GRIA3: variants seen among roughly 807,000 people sequenced by gnomAD.
GRIA3 encodes glutamate ionotropic receptor AMPA type subunit 3.
In GRIA3, 3 loss-of-function variants were observed where a neutral mutation model predicts 63.0. The ratio of observed to expected loss-of-function variants is 0.05; its 90% CI spans 0.02 to 0.12. The LOEUF is 0.12. Ranked by LOEUF, GRIA3 falls within the 10% of genes least tolerant of loss-of-function variation. The pLI, the probability that GRIA3 is intolerant of heterozygous loss-of-function variation, is 1.00. For synonymous variants in GRIA3, 274 were observed against 257.9 expected (o/e 1.06, Z -0.60); for missense variants, 347 against 700.9 (o/e 0.50, Z 5.70).
At chrX:123,293,715 A>G (rs1432399106) in intron 3 of GRIA3, among the ~76,000 whole-genome samples, 1 of 110,451 alleles carries the variant, frequency 9.1e-6, no homozygotes, top group Non-Finnish European at 1.9e-5. Flanking sequence ...CAGGAAGAAG[A>G]CACTGGATAT....
chrX:123,290,979 A>C (rs1470335210), intron 3 of GRIA3, among the ~76,000 whole-genome samples: 1 of 111,660 alleles, frequency 9.0e-6, no homozygotes, highest in African/African-American at 3.3e-5. Flanking sequence ...TCACCCTTTG[A>C]GGCTAACACA....
chrX:123,449,173 G>C (rs1010563464), intron 12 of GRIA3, among the ~76,000 whole-genome samples: 3 of 112,035 alleles, frequency 2.7e-5, no homozygotes, highest in Admixed American at 9.5e-5. Flanking sequence ...TTGGTGACTA[G>C]GTGGCTTCTC....
intron 2 of GRIA3, among the ~76,000 whole-genome samples, chrX:123,205,417 A>G (rs986983406): frequency 8.9e-6 from 1 of 112,505 alleles, no homozygotes; most frequent in Admixed American, 9.4e-5. Flanking sequence ...TATGCAGAAG[A>G]TACAGATTAC....
At chrX:123,403,587 T>C (rs1311134131) in intron 9 of GRIA3, 68 bp downstream of exon 9, 2 of 699,017 alleles carry the variant, frequency 2.9e-6, no homozygotes, top group African/African-American at 2.1e-5. Context: ...AAAGTATTTT[T>C]CCACCAGTAG....
intron 4 of GRIA3, among the ~76,000 whole-genome samples, chrX:123,340,719 GACTA>G (rs949118006): frequency 8.9e-6 from 1 of 112,123 alleles, no homozygotes; most frequent in Admixed American, 9.5e-5. Flanking sequence ...ATCATTTGGA[GACTA>G]ACTCTCAGTC....
chrX:123,248,655 G>A (rs748307468), intron 2 of GRIA3, among the ~76,000 whole-genome samples: 16 of 111,104 alleles, frequency 1.4e-4, no homozygotes, highest in Non-Finnish European at 2.5e-4. Flanking sequence ...GCATGGTGGC[G>A]CATGCCTGTA....
intron 3 of GRIA3, among the ~76,000 whole-genome samples, chrX:123,300,704 T>C (rs981440363): frequency 9.1e-6 from 1 of 110,008 alleles, no homozygotes; most frequent in Non-Finnish European, 1.9e-5. Context: ...TCTTGTGTTC[T>C]GCTAGCTTTG....
chrX:123,465,199 T>C (rs1380221771), intron 13 of GRIA3, 87 bp downstream of exon 13: 1 of 964,122 alleles, frequency 1.0e-6, no homozygotes, highest in African/African-American at 1.9e-5. Flanking sequence ...TTCTTGTGGA[T>C]TTTGAGGTAA....
intron 5 of GRIA3, among the ~76,000 whole-genome samples, chrX:123,384,350 C>T (rs949529168): frequency 2.7e-5 from 3 of 112,509 alleles, no homozygotes; most frequent in South Asian, 3.6e-4. Flanking sequence ...TTCGGCCAGG[C>T]GTGGTGGCTA....
intron 3 of GRIA3, among the ~76,000 whole-genome samples, chrX:123,300,608 A>C (rs2044716368): frequency 9.7e-6 from 1 of 103,591 alleles, no homozygotes; most frequent in African/African-American, 3.6e-5. Context: ...GGATTCATTG[A>C]TTTTTTAATG....
intron 10 of GRIA3, among the ~76,000 whole-genome samples, chrX:123,414,964 A>G (rs1476936218): frequency 8.9e-6 from 1 of 111,741 alleles, no homozygotes; most frequent in Non-Finnish European, 1.9e-5. Flanking sequence ...GTCAAATGGT[A>G]TTTCTAGTTC....
chrX:123,474,108 G>A (rs192102974), intron 13 of GRIA3, among the ~76,000 whole-genome samples: 1 of 111,469 alleles, frequency 9.0e-6, no homozygotes, highest in Admixed American at 9.5e-5. Context: ...CATATTGACA[G>A]TATAGATTCC....
intron 2 of GRIA3, among the ~76,000 whole-genome samples, chrX:123,251,724 G>A (rs1307676652): frequency 1.8e-5 from 2 of 111,555 alleles, no homozygotes; most frequent in East Asian, 2.8e-4. Context: ...GTGAGCCACC[G>A]CGACGGGATT....
At chrX:123,335,463 A>T (rs2044968629) in intron 4 of GRIA3, among the ~76,000 whole-genome samples, 1 of 111,659 alleles carries the variant, frequency 9.0e-6, no homozygotes, top group Non-Finnish European at 1.9e-5. Flanking sequence ...AGCCTATCAT[A>T]AGTTCCTCAT....
intron 3 of GRIA3, among the ~76,000 whole-genome samples, chrX:123,284,798 G>A (rs1229515881): frequency 9.0e-6 from 1 of 111,707 alleles, no homozygotes; most frequent in South Asian, 3.8e-4. Flanking sequence ...AAGTGACAGG[G>A]AGAATGGAAC....
At chrX:123,233,935 A>G (rs1304338553) in intron 2 of GRIA3, among the ~76,000 whole-genome samples, 1 of 111,514 alleles carries the variant, frequency 9.0e-6, no homozygotes, top group Non-Finnish European at 1.9e-5. Context: ...CCTTTTTTTC[A>G]TGTTTTCCTT....
chrX:123,470,584 G>T (rs1221720241), intron 13 of GRIA3, among the ~76,000 whole-genome samples: 1 of 111,702 alleles, frequency 9.0e-6, no homozygotes, highest in East Asian at 2.8e-4. Flanking sequence ...ATAGTAAAAA[G>T]TTACACTCTC....
At chrX:123,265,501 G>T (rs1479728657) in intron 3 of GRIA3, among the ~76,000 whole-genome samples, 7 of 111,900 alleles carry the variant, frequency 6.3e-5, no homozygotes, top group African/African-American at 2.3e-4. Context: ...TCTTTAAGTG[G>T]AAGTTGATCA....
chrX:123,387,511 A>G (rs190710832), intron 5 of GRIA3, among the ~76,000 whole-genome samples: 1 of 110,992 alleles, frequency 9.0e-6, no homozygotes, highest in East Asian at 2.8e-4. Context: ...GTCTTGTTCC[A>G]TTTCTCAGAG....
Sources: allele counts gnomAD v4.1 joint callset (sites outside exome capture counted in the v4.1 genomes callset), GRCh38; gene constraint gnomAD v4.1.1; transcripts MANE v1.5; gene names NCBI Gene and HGNC (gene_info 2026-07-23, HGNC 2026-07-21).